NXPE2: variants seen among roughly 807,000 people sequenced by gnomAD.
NXPE2 encodes NXPE family member 2.
Under a neutral mutation model 34.4 loss-of-function variants are expected in NXPE2, and 34 were observed. The observed-to-expected ratio is 0.99, with a 90% CI of 0.75 to 1.31. The LOEUF (loss-of-function observed/expected upper bound fraction) is 1.31. NXPE2 is among the 40% of genes most tolerant of loss of function. NXPE2 has a pLI of 0.00. For missense variants in NXPE2, 649 were observed against 672.5 expected, an observed-to-expected ratio of 0.97 and a Z score of 0.39; for synonymous variants, 235 against 231.3, an observed-to-expected ratio of 1.02 and a Z score of -0.15.
intron 2 of NXPE2, among the ~76,000 whole-genome samples, chr11:114,695,704 A>G (rs1327634440): frequency 6.6e-6 from 1 of 152,192 alleles, no homozygotes; most frequent in Admixed American, 6.5e-5. Flanking sequence ...TATAAAAAGA[A>G]GAAATTGGCC....
At chr11:114,762,070 C>T in the NXPE2 span, among the ~76,000 whole-genome samples, 3 of 152,112 alleles carry the variant, frequency 2.0e-5, no homozygotes, top group African/African-American at 7.2e-5. Context: ...AATACCTGCT[C>T]AGAGGGCATG....
At chr11:114,559,395 A>T in the NXPE2 span, among the ~76,000 whole-genome samples, 1 of 152,202 alleles carries the variant, frequency 6.6e-6, no homozygotes, top group African/African-American at 2.4e-5. Context: ...TCATACATAA[A>T]ACAAGGCAAA....
the NXPE2 span, among the ~76,000 whole-genome samples, chr11:114,665,062 A>G: frequency 2.0e-5 from 3 of 152,192 alleles, no homozygotes; most frequent in Non-Finnish European, 4.4e-5. Flanking sequence ...ATCTGTACAC[A>G]GCATCACTAT....
At chr11:114,475,860 G>A in the NXPE2 span, among the ~76,000 whole-genome samples, 2 of 152,124 alleles carry the variant, frequency 1.3e-5, no homozygotes, top group African/African-American at 2.4e-5. Context: ...GAGAGAAGGA[G>A]GTAACACAAC....
the NXPE2 span, among the ~76,000 whole-genome samples, chr11:114,794,542 C>T: frequency 4.6e-5 from 7 of 152,166 alleles, no homozygotes; most frequent in Non-Finnish European, 1.0e-4. Flanking sequence ...AGCTATCAGA[C>T]TTGCAGAATC....
At chr11:114,664,368 A>C in the NXPE2 span, among the ~76,000 whole-genome samples, 16 of 152,192 alleles carry the variant, frequency 1.1e-4, no homozygotes, top group Admixed American at 9.8e-4. Context: ...AAGGTGTATA[A>C]GTAAAGTTTT....
intron 2 of NXPE2, among the ~76,000 whole-genome samples, chr11:114,689,421 A>G (rs1951109184): frequency 6.6e-6 from 1 of 151,868 alleles, no homozygotes; most frequent in Non-Finnish European, 1.5e-5. Flanking sequence ...GTTGCTTTCT[A>G]TTTTTATTCC....
At chr11:114,638,712 T>C in the NXPE2 span, among the ~76,000 whole-genome samples, 1 of 151,836 alleles carries the variant, frequency 6.6e-6, no homozygotes, top group South Asian at 2.1e-4. Flanking sequence ...GGTCTGTTGG[T>C]GTTTGCTAGA....
rs760619464 is a variant in NXPE2, at chr11:114,679,689, G to A, written c.59G>A (p.Arg20Gln). 29 of 1,549,676 alleles carry A rather than the reference G, an allele frequency of 1.9e-5. No individual in the cohort carries two copies. In the East Asian group the frequency reaches 1.9e-4, roughly 10 times the overall value. ...ILTLFPNAIARKLLLMLTFIL... is the reference protein window; with the variant it reads ...ILTLFPNAIAQKLLLMLTFIL... ...ACTTTGTTTCCAAATGCCATAGCTC[G>A]AAAATTACTGCTGATGTTGACATTT... Residue 20 changes from arginine to glutamine, a missense_variant, in exon 2 of 6, where the codon CGA (arginine) becomes CAA (glutamine). By Grantham distance (43) the Arg-to-Gln change is conservative (BLOSUM62 1). Coordinates refer to ENST00000389586, the MANE Select transcript of NXPE2 (RefSeq NM_182495.6).
the NXPE2 span, among the ~76,000 whole-genome samples, chr11:114,668,214 C>T: frequency 6.6e-6 from 1 of 151,994 alleles, no homozygotes; most frequent in Admixed American, 6.6e-5. Flanking sequence ...CAAACCTTAG[C>T]TGCTTTCCTA....
the NXPE2 span, among the ~76,000 whole-genome samples, chr11:114,746,595 T>C: frequency 6.6e-6 from 1 of 152,148 alleles, no homozygotes; most frequent in Admixed American, 6.5e-5. Flanking sequence ...CTCATGCCTG[T>C]AATCCCAACA....
At chr11:114,571,002 T>C in the NXPE2 span, 1 of 1,613,138 alleles carries the variant, frequency 6.2e-7, no homozygotes, top group Non-Finnish European at 8.5e-7. Context: ...TGGGTGTACA[T>C]TATTTGTGCC....
At chr11:114,626,831 G>C in the NXPE2 span, among the ~76,000 whole-genome samples, 2 of 152,134 alleles carry the variant, frequency 1.3e-5, no homozygotes, top group Non-Finnish European at 2.9e-5. Context: ...TAAAGGAGCT[G>C]GTGGAGCTGA....
the NXPE2 span, among the ~76,000 whole-genome samples, chr11:114,758,134 G>C: frequency 6.6e-6 from 1 of 151,828 alleles, no homozygotes; most frequent in South Asian, 2.1e-4. Context: ...TTCTGGGTTG[G>C]TGCTGGAGTT....
At chr11:114,702,468 A>G (rs1951383661) in intron 3 of NXPE2, among the ~76,000 whole-genome samples, 2 of 152,086 alleles carry the variant, frequency 1.3e-5, no homozygotes, top group Non-Finnish European at 2.9e-5. Flanking sequence ...GACAAATCTT[A>G]CTCTTGTGCC....
the NXPE2 span, among the ~76,000 whole-genome samples, chr11:114,615,579 C>CCAGTGTAGTAAG: frequency 4.6e-5 from 7 of 150,974 alleles, no homozygotes; most frequent in African/African-American, 1.7e-4. Flanking sequence ...CCACCTTTAC[C>CCAGTGTAGTAAG]TGGTGAATAA....
the NXPE2 span, among the ~76,000 whole-genome samples, chr11:114,777,569 G>A: frequency 6.6e-6 from 1 of 152,148 alleles, no homozygotes; most frequent in African/African-American, 2.4e-5. Context: ...GCAGGATGAG[G>A]CATTTCCATG....
the NXPE2 span, among the ~76,000 whole-genome samples, chr11:114,668,481 C>G: frequency 1.3e-5 from 2 of 151,954 alleles, no homozygotes; most frequent in Non-Finnish European, 2.9e-5. Flanking sequence ...GTGACAAGCA[C>G]TATTTATAAC....
At chr11:114,469,724 C>A in the NXPE2 span, among the ~76,000 whole-genome samples, 2 of 152,222 alleles carry the variant, frequency 1.3e-5, no homozygotes, top group South Asian at 2.1e-4. Flanking sequence ...AACTCCTGAC[C>A]TCGTGATTCG....
Sources: gnomAD v4.1 joint callset for allele counts (sites outside exome capture counted in the v4.1 genomes callset) on GRCh38, gnomAD v4.1.1 for gene constraint, MANE v1.5 for transcripts, NCBI Gene and HGNC (gene_info 2026-07-23, HGNC 2026-07-21) for gene names.